ETV6: variants seen among roughly 807,000 people sequenced by gnomAD.
ETV6 encodes the protein ETS variant transcription factor 6.
Under a neutral mutation model 51.1 loss-of-function variants are expected in ETV6, and 16 were observed. The observed-to-expected ratio is 0.31, with a 90% CI of 0.21 to 0.48. The LOEUF is 0.48. Among genes scored for constraint, ETV6 ranks in the 20% least tolerant of loss-of-function variants. The pLI, the probability that ETV6 is intolerant of heterozygous loss-of-function variation, is 0.99. For synonymous variants in ETV6, 240 were observed against 224.1 expected, an observed-to-expected ratio of 1.07 and a Z score of -0.64; for missense variants, 458 against 594.8, an observed-to-expected ratio of 0.77 and a Z score of 2.39.
intron 1 of ETV6, among the ~76,000 whole-genome samples, chr12:11,680,535 C>A (rs16907021): frequency 0.038 from 5,788 of 152,262 alleles, 317 homozygotes; most frequent in African/African-American, 0.12. Flanking sequence ...TTTGACTCAG[C>A]CCTAATACAC....
intron 1 of ETV6, among the ~76,000 whole-genome samples, chr12:11,735,675 G>A (rs1361644018): frequency 2.6e-5 from 4 of 152,034 alleles, no homozygotes; most frequent in South Asian, 2.1e-4. Context: ...ATCTCGGCTC[G>A]CCACAACCTC....
chr12:11,858,614 C>G (rs925516492), intron 4 of ETV6, among the ~76,000 whole-genome samples: 1 of 152,156 alleles, frequency 6.6e-6, no homozygotes, highest in Non-Finnish European at 1.5e-5. Context: ...CATCCCATCA[C>G]CCCCTTGGAG....
intron 2 of ETV6, among the ~76,000 whole-genome samples, chr12:11,830,061 G>A (rs750670219): frequency 1.4e-4 from 22 of 152,108 alleles, no homozygotes; most frequent in Non-Finnish European, 2.6e-4. Flanking sequence ...AAAAGTCTCC[G>A]GAAAAGTGCC....
chr12:11,872,201 C>T lies in ETV6; in HGVS notation c.1009+2232C>T, dbSNP rs554608516. Among the ~76,000 whole-genome samples the T allele has an allele frequency of 7.2e-5, 11 of 152,326 alleles. No individual in the cohort carries two copies. The East Asian group carries it at 1.9e-3, about 27-fold the overall frequency. ...AGGGGAAACCACAGAGGAAACTGAG[C>T]CCCAGAGAGGCAAAGGCCTTTGCCA... On this transcript the variant is annotated intron_variant, in intron 5 of 7. Coordinates refer to ENST00000396373, the MANE Select transcript of ETV6 (RefSeq NM_001987.5).
chr12:11,819,687 A>G (rs1419520375), intron 2 of ETV6, among the ~76,000 whole-genome samples: 1 of 152,222 alleles, frequency 6.6e-6, no homozygotes, highest in Non-Finnish European at 1.5e-5. Context: ...TGCTTCCTCC[A>G]CATTGAATTA....
In ETV6 at chr12:11,664,988, A is replaced by T. The variant is rs772747618; in HGVS notation, c.33+14828A>T. ...GCCCTTTACTGCCTACCTTTCTAGT[A>T]TCATCTCCACATTATGTTCCAACCA... On this transcript the variant is annotated intron_variant, in intron 1 of 7. Coordinates refer to ENST00000396373, the MANE Select transcript of ETV6 (RefSeq NM_001987.5). Among the ~76,000 whole-genome samples the T allele has an allele frequency of 6.6e-5, 10 of 152,234 alleles. No individual in the cohort carries two copies. In the South Asian group the frequency reaches 2.1e-3, roughly 32 times the overall value.
intron 2 of ETV6, among the ~76,000 whole-genome samples, chr12:11,757,502 C>T (rs888878323): frequency 2.6e-5 from 4 of 151,960 alleles, no homozygotes; most frequent in East Asian, 3.9e-4. Context: ...TAACAAGATG[C>T]GCTCATACTT....
chr12:11,874,959 T>C (rs1003847135), intron 5 of ETV6, among the ~76,000 whole-genome samples: 31 of 150,314 alleles, frequency 2.1e-4, no homozygotes, highest in African/African-American at 6.8e-4. Context: ...GACGAGTTAA[T>C]GGGTGCAGCA....
At chr12:11,785,428 C>T (rs1304609712) in intron 2 of ETV6, among the ~76,000 whole-genome samples, 2 of 152,096 alleles carry the variant, frequency 1.3e-5, no homozygotes, top group Non-Finnish European at 2.9e-5. Flanking sequence ...GTATATTTTA[C>T]TTGTTTATTT....
chr12:11,885,591 G>C (rs1591750215), intron 6 of ETV6, among the ~76,000 whole-genome samples: 1 of 152,368 alleles, frequency 6.6e-6, no homozygotes, highest in East Asian at 1.9e-4. Context: ...GGGGGAACCT[G>C]CAGGAAATTC....
chr12:11,718,439 G>T (rs535002151), intron 1 of ETV6, among the ~76,000 whole-genome samples: 111 of 152,140 alleles, frequency 7.3e-4, no homozygotes, highest in African/African-American at 2.6e-3. Flanking sequence ...AAATTAGGAA[G>T]AATTTCAAGA....
intron 2 of ETV6, among the ~76,000 whole-genome samples, chr12:11,783,637 A>T (rs1039829977): frequency 6.6e-5 from 10 of 152,234 alleles, no homozygotes; most frequent in African/African-American, 2.4e-4. Context: ...GGGGTGATTT[A>T]TGGAACAGAG....
chr12:11,723,083 T>C (rs1386118746), intron 1 of ETV6, among the ~76,000 whole-genome samples: 2 of 152,216 alleles, frequency 1.3e-5, no homozygotes, highest in Non-Finnish European at 2.9e-5. Context: ...TTGGTAGTTG[T>C]GTGACTGGGT....
At chr12:11,776,896 A>G (rs528316180) in intron 2 of ETV6, among the ~76,000 whole-genome samples, 3 of 152,238 alleles carry the variant, frequency 2.0e-5, no homozygotes, top group Non-Finnish European at 4.4e-5. Flanking sequence ...GCAAGGTTCA[A>G]TAAATTAAGG....
At chr12:11,722,420 A>T (rs1341760362) in intron 1 of ETV6, among the ~76,000 whole-genome samples, 1 of 152,232 alleles carries the variant, frequency 6.6e-6, no homozygotes, top group East Asian at 1.9e-4. Flanking sequence ...TTCACCTGCT[A>T]GGCATTGTTG....
intron 2 of ETV6, among the ~76,000 whole-genome samples, chr12:11,773,214 G>GAAA: frequency 9.2e-6 from 1 of 109,014 alleles, no homozygotes; most frequent in African/African-American, 2.8e-5. Context: ...AAAAAAAAAT[G>GAAA]AAATCTTGAT....
chr12:11,852,659 G>A (rs1016082867), intron 3 of ETV6, among the ~76,000 whole-genome samples: 1 of 152,166 alleles, frequency 6.6e-6, no homozygotes, highest in Non-Finnish European at 1.5e-5. Flanking sequence ...CAAAAAATAA[G>A]AGCAATAAAT....
intron 7 of ETV6, among the ~76,000 whole-genome samples, chr12:11,890,635 A>T (rs1303281328): frequency 6.6e-6 from 1 of 151,814 alleles, no homozygotes; most frequent in East Asian, 1.9e-4. Flanking sequence ...ATGTTGCCCA[A>T]GCTGGTCTCA....
chr12:11,773,203 A>G (rs1311357746), intron 2 of ETV6, among the ~76,000 whole-genome samples: 2 of 149,256 alleles, frequency 1.3e-5, no homozygotes, highest in Non-Finnish European at 3.0e-5. Flanking sequence ...AAAAAAAAAA[A>G]AAAAAAAAAT....
Sources: allele counts gnomAD v4.1 joint callset (sites outside exome capture counted in the v4.1 genomes callset), GRCh38; gene constraint gnomAD v4.1.1; transcripts MANE v1.5; gene names NCBI Gene and HGNC (gene_info 2026-07-23, HGNC 2026-07-21).